LMBRD1: variants seen among roughly 807,000 people sequenced by gnomAD.
LMBRD1 encodes the protein LMBR1 domain containing 1, also known as lysosomal cobalamin transport escort protein LMBD1.
In LMBRD1, 64 loss-of-function variants were observed where a neutral mutation model predicts 74.8. The observed-to-expected ratio is 0.86, with a 90% CI of 0.70 to 1.05. The LOEUF (loss-of-function observed/expected upper bound fraction) is 1.05. LMBRD1 is among the 50% of genes least tolerant of loss of function. The pLI, the probability that LMBRD1 is intolerant of heterozygous loss-of-function variation, is 0.00. For missense variants in LMBRD1, 652 were observed against 645.9 expected (o/e 1.01, Z -0.10); for synonymous variants, 204 against 216.3 (o/e 0.94, Z 0.50).
At chr6:69,689,857 G>A (rs540990288) in intron 14 of LMBRD1, among the ~76,000 whole-genome samples, 156 of 152,190 alleles carry the variant, frequency 1.0e-3, no homozygotes, top group Non-Finnish European at 2.0e-3. Context: ...ATATGCTGGA[G>A]TAGACAGGTA....
At chr6:69,720,320 G>A (rs1038923988) in intron 7 of LMBRD1, among the ~76,000 whole-genome samples, 3 of 151,950 alleles carry the variant, frequency 2.0e-5, no homozygotes, top group African/African-American at 7.3e-5. Flanking sequence ...CCAAATCCTT[G>A]TATTTCCAAA....
intron 3 of LMBRD1, among the ~76,000 whole-genome samples, chr6:69,763,057 A>AT (rs138972920): frequency 4.6e-5 from 7 of 150,558 alleles, no homozygotes; most frequent in Non-Finnish European, 7.4e-5. Context: ...CCACTGGACA[A>AT]TTTTTTTTTT....
chr6:69,699,808 C>T (rs1766087587), intron 12 of LMBRD1, among the ~76,000 whole-genome samples: 1 of 151,610 alleles, frequency 6.6e-6, no homozygotes, highest in South Asian at 2.1e-4. Flanking sequence ...TGTAGTACAC[C>T]ACAATTGTAC....
At chr6:69,676,576 G>A in intron 14 of LMBRD1, 35 bp from the exon 15 acceptor site, 1 of 1,467,236 alleles carries the variant, frequency 6.8e-7, no homozygotes, top group Non-Finnish European at 9.5e-7. Flanking sequence ...GGTGAGATAG[G>A]TTCTTTCATA....
intron 14 of LMBRD1, among the ~76,000 whole-genome samples, chr6:69,692,620 GT>G (rs1351856538): frequency 1.3e-5 from 2 of 151,790 alleles, no homozygotes; most frequent in African/African-American, 4.8e-5. Flanking sequence ...GTTAATACAG[GT>G]TTTTTTCTCT....
Position 69,790,353 on chromosome 6 carries a change from A to C in LMBRD1, c.189T>G (p.Leu63=). 1.2e-6 allele frequency: 2 copies of C among 1,613,596 alleles called. No homozygotes were observed. The highest frequency in any genetic ancestry group is 1.7e-6 in the Non-Finnish European group (2 of 1,179,552). ...AAACCAAAAATATATCCACTGGTAG[A>C]AGTGCTGATGTGATAAGTGCAATTG... The part of the protein sequence containing the change: ...SLAIALITSA[L]LPVDIFLVSY... The change falls in exon 2 of 16, where the codon CTT becomes CTG. Residue 63 remains leucine, a synonymous_variant. Coordinates refer to ENST00000649934, the MANE Select transcript of LMBRD1 (RefSeq NM_018368.4).
intron 14 of LMBRD1, among the ~76,000 whole-genome samples, chr6:69,693,155 T>G (rs1765924822): frequency 1.3e-5 from 2 of 152,132 alleles, no homozygotes; most frequent in African/African-American, 4.8e-5. Flanking sequence ...GAACATAAAC[T>G]ATGCATTACC....
chr6:69,694,371 C>A (rs1463396022), intron 14 of LMBRD1, among the ~76,000 whole-genome samples: 1 of 152,114 alleles, frequency 6.6e-6, no homozygotes, highest in Non-Finnish European at 1.5e-5. Flanking sequence ...ATTTTTCAAT[C>A]TGTTTTCATC....
At chr6:69,758,641 A>G (rs1334078108) in intron 3 of LMBRD1, among the ~76,000 whole-genome samples, 3 of 152,164 alleles carry the variant, frequency 2.0e-5, no homozygotes, top group Admixed American at 1.3e-4. Flanking sequence ...GCCTATCTCC[A>G]TACTTACTTT....
chr6:69,710,381 T>C (rs1034485773), intron 9 of LMBRD1, among the ~76,000 whole-genome samples: 6 of 152,160 alleles, frequency 3.9e-5, no homozygotes, highest in African/African-American at 1.4e-4. Flanking sequence ...ATCCCAAGCA[T>C]AAGATGTAAA....
At chr6:69,770,274 G>A (rs557970148) in intron 3 of LMBRD1, among the ~76,000 whole-genome samples, 2 of 152,142 alleles carry the variant, frequency 1.3e-5, no homozygotes, top group South Asian at 4.1e-4. Flanking sequence ...GACCCACCCT[G>A]CCCTGGCAGA....
intron 2 of LMBRD1, among the ~76,000 whole-genome samples, chr6:69,789,395 T>C (rs1342113232): frequency 1.3e-5 from 2 of 151,940 alleles, no homozygotes; most frequent in Non-Finnish European, 2.9e-5. Context: ...GCATGGTGGC[T>C]GCATGTCTGT....
intron 8 of LMBRD1, among the ~76,000 whole-genome samples, chr6:69,714,153 T>C (rs1766443217): frequency 6.6e-6 from 1 of 152,060 alleles, no homozygotes; most frequent in Non-Finnish European, 1.5e-5. Context: ...CCAAACTCAC[T>C]GTATCACTTA....
At chr6:69,772,702 T>A (rs867757227) in intron 3 of LMBRD1, among the ~76,000 whole-genome samples, 3 of 152,192 alleles carry the variant, frequency 2.0e-5, no homozygotes, top group Middle Eastern at 3.2e-3. Context: ...CAAGATTTTG[T>A]AAAAAGGATT....
At chr6:69,720,954 G>A (rs903767366) in intron 7 of LMBRD1, among the ~76,000 whole-genome samples, 1 of 152,202 alleles carries the variant, frequency 6.6e-6, no homozygotes, top group African/African-American at 2.4e-5. Context: ...TGGTGACTAA[G>A]GGGACTTTAC....
chr6:69,749,279 T>A, intron 5 of LMBRD1, 62 bp downstream of exon 5: 1 of 1,137,804 alleles, frequency 8.8e-7, no homozygotes, highest in Non-Finnish European at 1.3e-6. Flanking sequence ...GATCCTTTTA[T>A]TTTTTTTTTC....
chr6:69,736,779 T>C (rs937642497), intron 7 of LMBRD1, among the ~76,000 whole-genome samples: 5 of 152,202 alleles, frequency 3.3e-5, no homozygotes, highest in Non-Finnish European at 7.4e-5. Flanking sequence ...AAGATTAGCA[T>C]AGCAGATCAG....
intron 3 of LMBRD1, among the ~76,000 whole-genome samples, chr6:69,779,685 AAAG>A (rs1288680136): frequency 2.6e-5 from 4 of 152,360 alleles, no homozygotes; most frequent in East Asian, 3.9e-4. Flanking sequence ...GAACTGCTAC[AAAG>A]AAGTGTTACA....
chr6:69,765,574 G>GT (rs1393697335), intron 3 of LMBRD1, among the ~76,000 whole-genome samples: 1 of 152,006 alleles, frequency 6.6e-6, no homozygotes, highest in African/African-American at 2.4e-5. Flanking sequence ...TTTCCAAAAT[G>GT]TTTTTTGGCT....
Sources: gnomAD v4.1 joint callset for allele counts (sites outside exome capture counted in the v4.1 genomes callset) on GRCh38, gnomAD v4.1.1 for gene constraint, MANE v1.5 for transcripts, NCBI Gene and HGNC (gene_info 2026-07-23, HGNC 2026-07-21) for gene names.